The following FHIT variants were observed in gnomAD, a reference collection of about 807,000 sequenced individuals.
FHIT encodes fragile histidine triad diadenosine triphosphatase, also known as bis(5'-adenosyl)-triphosphatase.
Under a neutral mutation model 17.9 loss-of-function variants are expected in FHIT, and 19 were observed. The ratio of observed to expected loss-of-function variants is 1.06; its 90% CI spans 0.74 to 1.56. FHIT has a LOEUF of 1.56. Among genes scored for constraint, FHIT ranks in the 40% most tolerant of loss-of-function variants. The pLI is 0.00. For synonymous variants in FHIT, 81 were observed against 69.7 expected, an observed-to-expected ratio of 1.16 and a Z score of -0.81; for missense variants, 248 against 189.2, an observed-to-expected ratio of 1.31 and a Z score of -1.82.
chr3:60,087,829 C>T (rs1559620762), intron 5 of FHIT, among the ~76,000 whole-genome samples: 1 of 152,138 alleles, frequency 6.6e-6, no homozygotes, highest in African/African-American at 2.4e-5. Context: ...TTTCCCTTGT[C>T]TTTTTTTCTT....
chr3:61,233,406 C>T (rs1024052584), intron 1 of FHIT, among the ~76,000 whole-genome samples: 9 of 152,026 alleles, frequency 5.9e-5, no homozygotes, highest in South Asian at 2.1e-4. Flanking sequence ...AAACATATAC[C>T]GTAGAATACT....
intron 5 of FHIT, among the ~76,000 whole-genome samples, chr3:60,389,738 A>G (rs914886078): frequency 2.6e-5 from 4 of 152,224 alleles, no homozygotes; most frequent in African/African-American, 4.8e-5. Context: ...TGTTCACTTA[A>G]GTAAACACAT....
At chr3:60,384,707 A>AG (rs1700938656) in intron 5 of FHIT, among the ~76,000 whole-genome samples, 2 of 139,498 alleles carry the variant, frequency 1.4e-5, no homozygotes, top group African/African-American at 5.3e-5. Flanking sequence ...ACAAAATCTT[A>AG]AAACAACAAC....
chr3:60,367,448 T>C (rs569965345), intron 5 of FHIT, among the ~76,000 whole-genome samples: 40 of 152,192 alleles, frequency 2.6e-4, no homozygotes, highest in Non-Finnish European at 3.7e-4. Flanking sequence ...TTTGCTCCTT[T>C]CTAAAGATGT....
intron 5 of FHIT, among the ~76,000 whole-genome samples, chr3:60,384,331 C>A (rs1032794766): frequency 1.3e-5 from 2 of 151,766 alleles, no homozygotes; most frequent in African/African-American, 4.8e-5. Context: ...ATAATAACTT[C>A]CATAATATCT....
intron 4 of FHIT, among the ~76,000 whole-genome samples, chr3:60,662,335 C>T (rs782640383): frequency 3.3e-5 from 5 of 151,952 alleles, no homozygotes; most frequent in Non-Finnish European, 5.9e-5. Flanking sequence ...GCTTTGTTGA[C>T]GATTGGTTGG....
At chr3:60,938,981 T>C (rs1553773820) in intron 3 of FHIT, among the ~76,000 whole-genome samples, 5 of 152,216 alleles carry the variant, frequency 3.3e-5, no homozygotes. Flanking sequence ...CCCAGAAAAC[T>C]ATAGGTGGAT....
intron 5 of FHIT, among the ~76,000 whole-genome samples, chr3:60,396,802 T>C (rs1401661265): frequency 6.6e-6 from 1 of 152,170 alleles, no homozygotes; most frequent in Non-Finnish European, 1.5e-5. Flanking sequence ...GTGAATTACA[T>C]CTCAATAACT....
intron 8 of FHIT, among the ~76,000 whole-genome samples, chr3:59,890,531 T>C (rs1001690911): frequency 6.6e-6 from 1 of 152,168 alleles, no homozygotes; most frequent in Non-Finnish European, 1.5e-5. Context: ...AGTTCATCTG[T>C]TACATTCCCA....
intron 5 of FHIT, among the ~76,000 whole-genome samples, chr3:60,134,378 T>A (rs1699719754): frequency 6.6e-6 from 1 of 152,220 alleles, no homozygotes; most frequent in Admixed American, 6.5e-5. Flanking sequence ...AGAAAATTGT[T>A]CACATTTATT....
At chr3:60,009,250 C>T (rs1029578756) in intron 7 of FHIT, among the ~76,000 whole-genome samples, 1 of 140,072 alleles carries the variant, frequency 7.1e-6, no homozygotes, top group East Asian at 2.3e-4. Context: ...TTCTTATAAC[C>T]ACCATATTCT....
chr3:60,841,732 T>C lies in FHIT; in HGVS notation c.-110-19721A>G, dbSNP rs111989706. Among the ~76,000 whole-genome samples, 70 of 152,258 alleles carry C rather than the reference T, an allele frequency of 4.6e-4. 1 individual carries two copies. Among genetic ancestry groups the C allele is most frequent in the Middle Eastern group, 3.4e-3 (1 of 294 alleles). On this transcript the variant is annotated intron_variant, in intron 3 of 9. Coordinates refer to ENST00000492590, the MANE Select transcript of FHIT (RefSeq NM_002012.4). ...ATGCAGAGCAGCATATCTAGCAGTC[T>C]GAATGCCTAAGGGAAAGGATGCAGG...
At chr3:60,514,004 C>T (rs148501208) in intron 5 of FHIT, among the ~76,000 whole-genome samples, 220 of 152,212 alleles carry the variant, frequency 1.4e-3, no homozygotes, top group African/African-American at 5.2e-3. Context: ...AGAAGTTTGG[C>T]CAGGGACAGC....
At chr3:61,220,784 G>A (rs2039815245) in intron 1 of FHIT, among the ~76,000 whole-genome samples, 1 of 152,154 alleles carries the variant, frequency 6.6e-6, no homozygotes, top group Admixed American at 6.5e-5. Flanking sequence ...TTAAGGAAAG[G>A]TTAGTTTTGA....
intron 3 of FHIT, among the ~76,000 whole-genome samples, chr3:61,037,103 G>C (rs1301976034): frequency 6.6e-6 from 1 of 152,012 alleles, no homozygotes; most frequent in Non-Finnish European, 1.5e-5. Context: ...AGTAGAGACA[G>C]GGTTTCACCG....
At chr3:59,932,455 T>C (rs991384565) in intron 7 of FHIT, among the ~76,000 whole-genome samples, 2 of 152,150 alleles carry the variant, frequency 1.3e-5, no homozygotes, top group African/African-American at 4.8e-5. Context: ...TGATTGCAGA[T>C]GAGGAGAAAG....
chr3:60,597,461 T>C (rs550159720), intron 4 of FHIT, among the ~76,000 whole-genome samples: 1 of 152,158 alleles, frequency 6.6e-6, no homozygotes, highest in Non-Finnish European at 1.5e-5. Context: ...AACTGTAGTT[T>C]TTCAGACTCA....
intron 7 of FHIT, among the ~76,000 whole-genome samples, chr3:59,939,248 C>A (rs943424582): frequency 2.6e-5 from 4 of 152,104 alleles, no homozygotes; most frequent in Non-Finnish European, 5.9e-5. Context: ...GCTGGCCAAA[C>A]TTTTTCAGTG....
chr3:60,300,334 A>C (rs1350156445), intron 5 of FHIT, among the ~76,000 whole-genome samples: 2 of 152,092 alleles, frequency 1.3e-5, no homozygotes, highest in Non-Finnish European at 2.9e-5. Flanking sequence ...AGACCAAAAA[A>C]AGTGTAACTG....
Sources: allele counts gnomAD v4.1 joint callset (sites outside exome capture counted in the v4.1 genomes callset), GRCh38; gene constraint gnomAD v4.1.1; transcripts MANE v1.5; gene names NCBI Gene and HGNC (gene_info 2026-07-23, HGNC 2026-07-21).